PAK1: variants seen among roughly 807,000 people sequenced by gnomAD.
PAK1 encodes the protein p21 (RAC1) activated kinase 1, also known as serine/threonine-protein kinase PAK 1.
A neutral mutation model predicts 67.4 loss-of-function variants in PAK1; 29 were observed. The ratio of observed to expected loss-of-function variants is 0.43; its 90% CI spans 0.32 to 0.59. The LOEUF is 0.59. Among genes scored for constraint, PAK1 ranks in the 20% least tolerant of loss-of-function variants. The probability of loss-of-function intolerance (pLI) is 0.07; values close to 1 mark genes in which losing one functional copy is unlikely to be tolerated. For synonymous variants in PAK1, 223 were observed against 237.4 expected, an observed-to-expected ratio of 0.94 and a Z score of 0.56; for missense variants, 337 against 670.7, an observed-to-expected ratio of 0.50 and a Z score of 5.50.
At chr11:77,525,682 G>T in the PAK1 span, among the ~76,000 whole-genome samples, 1 of 152,228 alleles carries the variant, frequency 6.6e-6, no homozygotes. Flanking sequence ...AAGGACAATT[G>T]TTGGCCTTCC....
At chr11:77,412,073 G>A (rs1449382325) in intron 1 of PAK1, 3 of 152,264 alleles carry the variant, frequency 2.0e-5, no homozygotes, top group African/African-American at 7.2e-5. Flanking sequence ...CAGAGCTGAG[G>A]GCGGGGAGAC....
At chr11:77,339,657 A>T (rs1428514784) in intron 11 of PAK1, among the ~76,000 whole-genome samples, 1 of 152,120 alleles carries the variant, frequency 6.6e-6, no homozygotes, top group East Asian at 1.9e-4. Context: ...CTGATTAAAT[A>T]TATAACTACA....
the PAK1 span, among the ~76,000 whole-genome samples, chr11:77,498,157 T>A: frequency 2.6e-5 from 4 of 152,214 alleles, no homozygotes; most frequent in African/African-American, 9.6e-5. Flanking sequence ...GTTTAGTTAA[T>A]AATATTACAT....
chr11:77,358,389 C>T (rs1946330262), intron 6 of PAK1, among the ~76,000 whole-genome samples: 1 of 152,182 alleles, frequency 6.6e-6, no homozygotes, highest in South Asian at 2.1e-4. Context: ...ATAGAAATCA[C>T]TGCCAACATC....
chr11:77,404,837 T>C (rs922382562), intron 1 of PAK1, among the ~76,000 whole-genome samples: 1 of 152,240 alleles, frequency 6.6e-6, no homozygotes, highest in Admixed American at 6.5e-5. Flanking sequence ...AAACATTTAT[T>C]GAGCATCTAC....
chr11:77,508,940 G>A, the PAK1 span, among the ~76,000 whole-genome samples: 3 of 144,662 alleles, frequency 2.1e-5, no homozygotes, highest in African/African-American at 7.5e-5. Context: ...GATTACAGGC[G>A]TGAGCCACCG....
At chr11:77,367,749 C>T (rs1391157868) in intron 5 of PAK1, among the ~76,000 whole-genome samples, 4 of 152,094 alleles carry the variant, frequency 2.6e-5, no homozygotes, top group Admixed American at 1.3e-4. Context: ...GAGGCTGAGG[C>T]GGGCAGATCA....
chr11:77,430,400 T>C (rs984486092), intron 1 of PAK1, among the ~76,000 whole-genome samples: 2 of 152,192 alleles, frequency 1.3e-5, no homozygotes, highest in Non-Finnish European at 2.9e-5. Context: ...TGTTCCCATT[T>C]TGGCCCAGTC....
chr11:77,429,056 T>TAAAAAAAAAAAAAAAAAAAAAAAA lies in PAK1; in HGVS notation c.-21-36539_-21-36516dup, dbSNP rs566874549. Among the ~76,000 whole-genome samples, 30 of 48,988 alleles carry TAAAAAAAAAAAAAAAAAAAAAAAA rather than the reference T, an allele frequency of 6.1e-4. 5 individuals carry two copies. The highest frequency in any genetic ancestry group is 2.7e-3 in the South Asian group (2 of 748). 32.1% of individuals were successfully genotyped at this position (48,988 alleles called of 152,430 possible). On this transcript the variant is annotated intron_variant, in intron 1 of 14. Transcript: ENST00000356341. The stretch of plus-strand genomic sequence containing the variant: ...TTGGATTCTAAATGCCATTTAATAC[T>TAAAAAAAAAAAAAAAAAAAAAAAA]AAAAAAAAAAAAAAAAAAAAAAAAA...
intron 1 of PAK1, among the ~76,000 whole-genome samples, chr11:77,441,742 T>A (rs1359970307): frequency 6.6e-6 from 1 of 152,226 alleles, no homozygotes; most frequent in East Asian, 1.9e-4. Context: ...TCCCATCTCA[T>A]CACTACTCCT....
chr11:77,327,731 G>A (rs1293177610), intron 14 of PAK1, among the ~76,000 whole-genome samples: 1 of 152,198 alleles, frequency 6.6e-6, no homozygotes, highest in East Asian at 1.9e-4. Context: ...ACCAACTAAC[G>A]AGCAAAATAA....
chr11:77,377,897 A>G (rs1592078299), intron 4 of PAK1, among the ~76,000 whole-genome samples: 1 of 152,174 alleles, frequency 6.6e-6, no homozygotes, highest in African/African-American at 2.4e-5. Context: ...CAGTCCCTCA[A>G]TGGAGTAAGT....
the PAK1 span, among the ~76,000 whole-genome samples, chr11:77,491,644 A>G: frequency 1.3e-5 from 2 of 152,238 alleles, no homozygotes; most frequent in Non-Finnish European, 2.9e-5. Flanking sequence ...TGGGTTATAA[A>G]ATATATGCAA....
intron 1 of PAK1, among the ~76,000 whole-genome samples, chr11:77,457,144 C>A (rs1050144248): frequency 3.9e-5 from 6 of 152,116 alleles, no homozygotes; most frequent in African/African-American, 1.4e-4. Flanking sequence ...AATGGCAGGG[C>A]CACAGGATTC....
chr11:77,388,385 G>A (rs974153028), intron 2 of PAK1, among the ~76,000 whole-genome samples: 2 of 152,246 alleles, frequency 1.3e-5, no homozygotes, highest in South Asian at 2.1e-4. Context: ...ACGGAGTCTC[G>A]CTCTGTCGCC....
chr11:77,512,792 T>C, the PAK1 span, among the ~76,000 whole-genome samples: 1 of 152,152 alleles, frequency 6.6e-6, no homozygotes, highest in Non-Finnish European at 1.5e-5. Flanking sequence ...CTGCATATTA[T>C]AAAGAAAATA....
At chr11:77,418,015 C>T (rs897659912) in intron 1 of PAK1, among the ~76,000 whole-genome samples, 1 of 152,016 alleles carries the variant, frequency 6.6e-6, no homozygotes, top group African/African-American at 2.4e-5. Flanking sequence ...GGATTACAGG[C>T]GTGAGCCACT....
At chr11:77,499,867 A>G in the PAK1 span, among the ~76,000 whole-genome samples, 1 of 152,146 alleles carries the variant, frequency 6.6e-6, no homozygotes, top group Non-Finnish European at 1.5e-5. Context: ...AACAGAATGG[A>G]TACAGCCTGG....
At chr11:77,426,863 T>G (rs61901814) in intron 1 of PAK1, among the ~76,000 whole-genome samples, 1 of 137,588 alleles carries the variant, frequency 7.3e-6, no homozygotes, top group Non-Finnish European at 1.5e-5. Flanking sequence ...AAAAAAAAAT[T>G]CGGTGCTATG....
Sources: gnomAD v4.1 joint callset for allele counts (sites outside exome capture counted in the v4.1 genomes callset) on GRCh38, gnomAD v4.1.1 for gene constraint, MANE v1.5 for transcripts, NCBI Gene and HGNC (gene_info 2026-07-23, HGNC 2026-07-21) for gene names.